Variants in SEMA3A observed in about 807,000 individuals in gnomAD.
SEMA3A encodes semaphorin-3A.
Under a neutral mutation model 97.9 loss-of-function variants are expected in SEMA3A, and 29 were observed. The ratio of observed to expected loss-of-function variants is 0.30; its 90% CI spans 0.22 to 0.40. SEMA3A has a LOEUF of 0.40. Ranked by LOEUF, SEMA3A falls within the 10% of genes least tolerant of loss-of-function variation. The probability of loss-of-function intolerance (pLI) is 1.00; values close to 1 mark genes in which losing one functional copy is unlikely to be tolerated. For synonymous variants in SEMA3A, 321 were observed against 323.7 expected, an observed-to-expected ratio of 0.99 and a Z score of 0.09; for missense variants, 763 against 951.3, an observed-to-expected ratio of 0.80 and a Z score of 2.60.
At chr7:84,147,682 G>T (rs969526819) in intron 1 of SEMA3A, among the ~76,000 whole-genome samples, 2 of 152,156 alleles carry the variant, frequency 1.3e-5, no homozygotes, top group African/African-American at 4.8e-5. Context: ...ATGAATTACT[G>T]AATAGTTGGA....
intron 6 of SEMA3A, among the ~76,000 whole-genome samples, chr7:84,018,905 A>G (rs1042789590): frequency 7.9e-5 from 12 of 152,152 alleles, no homozygotes; most frequent in African/African-American, 2.2e-4. Flanking sequence ...TGCTGCAGAG[A>G]AAAACAAAAC....
chr7:84,087,751 C>G (rs1392719820), intron 4 of SEMA3A, among the ~76,000 whole-genome samples: 1 of 152,142 alleles, frequency 6.6e-6, no homozygotes, highest in African/African-American at 2.4e-5. Flanking sequence ...GTTACTACTA[C>G]CTTCTTGAAT....
intron 4 of SEMA3A, among the ~76,000 whole-genome samples, chr7:84,102,108 GA>G (rs1184841766): frequency 2.0e-5 from 3 of 152,036 alleles, no homozygotes; most frequent in Admixed American, 2.0e-4. Context: ...CCCTAACTTT[GA>G]TAGACTCTAA....
In SEMA3A at chr7:84,466,735, G is replaced by A. The variant is rs573156592; in HGVS notation, c.-246+25725C>T. On this transcript the variant is annotated intron_variant, in intron 1 of 3. Coordinates refer to the SEMA3A transcript ENST00000424555. ...AAGATTAGATTGTACCCTGGACTTG[G>A]AAGAAGCTAGAAGTCGGTTGTTTCT... Among the ~76,000 whole-genome samples the A allele has an allele frequency of 4.6e-5, 7 of 152,284 alleles. No individual in the cohort carries two copies. The South Asian group carries it at 1.5e-3, about 32-fold the overall frequency.
At chr7:84,357,991 T>C (rs1802611712) in intron 2 of SEMA3A, among the ~76,000 whole-genome samples, 1 of 152,174 alleles carries the variant, frequency 6.6e-6, no homozygotes, top group South Asian at 2.1e-4. Context: ...TTGTTTGTTT[T>C]CTTCTTGTAA....
chr7:84,271,001 A>G (rs570611727), intron 3 of SEMA3A, among the ~76,000 whole-genome samples: 2 of 152,152 alleles, frequency 1.3e-5, no homozygotes, highest in East Asian at 3.9e-4. Flanking sequence ...TACTGTTTCT[A>G]TTATTGATTT....
chr7:84,100,863 C>T (rs1794941080), intron 4 of SEMA3A, among the ~76,000 whole-genome samples: 3 of 152,146 alleles, frequency 2.0e-5, no homozygotes, highest in African/African-American at 7.2e-5. Flanking sequence ...TTTTCTAGTA[C>T]TCTCTCAGAT....
intron 1 of SEMA3A, among the ~76,000 whole-genome samples, chr7:84,427,024 T>C (rs527620851): frequency 3.3e-5 from 5 of 152,256 alleles, no homozygotes; most frequent in South Asian, 2.1e-4. Context: ...AATGAACGCA[T>C]AGAGATTCCA....
At chr7:84,084,728 A>AT (rs1794276924) in intron 4 of SEMA3A, among the ~76,000 whole-genome samples, 1 of 152,096 alleles carries the variant, frequency 6.6e-6, no homozygotes, top group Non-Finnish European at 1.5e-5. Flanking sequence ...TCTATGTGAC[A>AT]TAAAAAGTTC....
intron 4 of SEMA3A, among the ~76,000 whole-genome samples, chr7:84,095,481 T>C (rs956987200): frequency 1.2e-4 from 18 of 150,438 alleles, no homozygotes; most frequent in Admixed American, 3.3e-4. Context: ...TTTTTTTCTA[T>C]GTCAGACTTT....
intron 2 of SEMA3A, among the ~76,000 whole-genome samples, chr7:84,334,170 C>G (rs1021439701): frequency 6.6e-6 from 1 of 151,924 alleles, no homozygotes; most frequent in African/African-American, 2.4e-5. Context: ...CGGAATTGAT[C>G]TTTTTAAGAG....
intron 3 of SEMA3A, among the ~76,000 whole-genome samples, chr7:84,217,248 C>T (rs1041454586): frequency 4.6e-5 from 7 of 152,084 alleles, no homozygotes; most frequent in African/African-American, 1.4e-4. Flanking sequence ...TTAATTAATT[C>T]ATCTGTTTAT....
intron 12 of SEMA3A, among the ~76,000 whole-genome samples, chr7:83,990,641 C>T (rs59837826): frequency 6.9e-6 from 1 of 145,950 alleles, no homozygotes; most frequent in Non-Finnish European, 1.5e-5. Context: ...ATATGTGGCT[C>T]TATTTCTGAG....
chr7:84,473,675 C>CTTT, intron 1 of SEMA3A, among the ~76,000 whole-genome samples: 9 of 152,070 alleles, frequency 5.9e-5, no homozygotes, highest in Admixed American at 5.9e-4. Context: ...AGGCATGAGC[C>CTTT]ACTGCTCCTG....
Position 84,005,457 on chromosome 7 carries a change from A to G in SEMA3A, c.1242T>C (p.Phe414=). 1 of 1,613,912 alleles carries G rather than the reference A, an allele frequency of 6.2e-7. No homozygotes were observed. The highest frequency in any genetic ancestry group is 1.3e-5 in the African/African-American group (1 of 75,036). ...TCACTATTGGGCGATTGTTCATAGG[A>G]AACACTGGATTGTACATGGCTGGAT... ...RSHPAMYNPV[F]PMNNRPIVIK... Residue 414 remains phenylalanine, a synonymous_variant, in exon 11 of 17, where the codon TTT becomes TTC. Transcript: ENST00000265362.
intron 6 of SEMA3A, among the ~76,000 whole-genome samples, chr7:84,027,017 T>A (rs932945111): frequency 6.6e-6 from 1 of 151,860 alleles, no homozygotes; most frequent in Non-Finnish European, 1.5e-5. Context: ...AAAAAAAAAC[T>A]GCAAGCAAAA....
intron 6 of SEMA3A, 115 bp from the exon 7 acceptor site, chr7:84,014,466 C>A: frequency 1.3e-6 from 1 of 793,066 alleles, no homozygotes; most frequent in South Asian, 1.8e-5. Flanking sequence ...AGAAACGTAT[C>A]TTTCGTTTGT....
chr7:84,198,258 C>G (rs1003106203), upstream of SEMA3A, among the ~76,000 whole-genome samples: 3 of 151,898 alleles, frequency 2.0e-5, no homozygotes, highest in Admixed American at 1.3e-4. Flanking sequence ...TGCAGTGGCA[C>G]GATCTCGACT....
chr7:84,481,209 C>T (rs912419322), intron 1 of SEMA3A, among the ~76,000 whole-genome samples: 4 of 152,092 alleles, frequency 2.6e-5, no homozygotes, highest in Admixed American at 6.6e-5. Context: ...TGAAAAGATA[C>T]GAGGGCAAAT....
Sources: allele counts gnomAD v4.1 joint callset (sites outside exome capture counted in the v4.1 genomes callset), GRCh38; gene constraint gnomAD v4.1.1; transcripts MANE v1.5; gene names NCBI Gene and HGNC (gene_info 2026-07-23, HGNC 2026-07-21).